Variants in SPARCL1 observed in about 807,000 individuals in gnomAD.
SPARCL1 encodes SPARC like 1.
A neutral mutation model predicts 67.1 loss-of-function variants in SPARCL1; 52 were observed. The observed-to-expected ratio is 0.78, with a 90% CI of 0.62 to 0.98. SPARCL1 has a LOEUF of 0.98. Ranked by LOEUF, SPARCL1 falls within the 50% of genes least tolerant of loss-of-function variation. SPARCL1 has a pLI of 0.00. For missense variants in SPARCL1, 717 were observed against 782.4 expected (o/e 0.92, Z 1.00); for synonymous variants, 226 against 267.8 (o/e 0.84, Z 1.52).
intron 10 of SPARCL1, among the ~76,000 whole-genome samples, chr4:87,475,445 C>G (rs1322597284): frequency 6.6e-6 from 1 of 152,184 alleles, no homozygotes; most frequent in Non-Finnish European, 1.5e-5. Flanking sequence ...TATCCATCAT[C>G]TAGATGTTGT....
chr4:87,498,987 G>A (rs1283131065), intron 2 of SPARCL1, among the ~76,000 whole-genome samples: 1 of 151,370 alleles, frequency 6.6e-6, no homozygotes, highest in East Asian at 1.9e-4. Flanking sequence ...GATTCTCCTT[G>A]CCTCAGCCTC....
At chr4:87,521,395 T>G (rs974882686) in intron 1 of SPARCL1, among the ~76,000 whole-genome samples, 1 of 152,186 alleles carries the variant, frequency 6.6e-6, no homozygotes, top group African/African-American at 2.4e-5. Context: ...CATCCATACC[T>G]CTGAAAGGAG....
chr4:87,504,818 G>T (rs1475932356), intron 1 of SPARCL1: 1 of 152,160 alleles, frequency 6.6e-6, no homozygotes, highest in African/African-American at 2.4e-5. Flanking sequence ...AAGATGGTAC[G>T]TACTTGGCAA....
intron 1 of SPARCL1, among the ~76,000 whole-genome samples, chr4:87,524,551 G>A (rs953411748): frequency 2.0e-5 from 3 of 152,144 alleles, no homozygotes; most frequent in Non-Finnish European, 2.9e-5. Context: ...ATGCCTGACC[G>A]CTTATTCACC....
At chr4:87,498,108 C>T (rs1238180248) in intron 2 of SPARCL1, among the ~76,000 whole-genome samples, 1 of 152,128 alleles carries the variant, frequency 6.6e-6, no homozygotes, top group Non-Finnish European at 1.5e-5. Context: ...GCCACAAGGA[C>T]AAAGCACATT....
At chr4:87,500,788 GCGCACGCACA>G (rs1560822100) in intron 1 of SPARCL1, among the ~76,000 whole-genome samples, 33 of 104,472 alleles carry the variant, frequency 3.2e-4, no homozygotes, top group African/African-American at 1.7e-3. Context: ...ACACGTACGC[GCGCACGCACA>G]TACGCGCGCA....
At chr4:87,522,671 A>G (rs1046255401) in intron 1 of SPARCL1, among the ~76,000 whole-genome samples, 5 of 147,204 alleles carry the variant, frequency 3.4e-5, no homozygotes, top group African/African-American at 1.3e-4. Context: ...ACACACACAC[A>G]CACACACACA....
intron 4 of SPARCL1, among the ~76,000 whole-genome samples, chr4:87,492,882 A>G (rs1432439645): frequency 6.6e-6 from 1 of 152,196 alleles, no homozygotes; most frequent in Non-Finnish European, 1.5e-5. Context: ...TCATTTTGGT[A>G]TGTGTTTGCT....
intron 7 of SPARCL1, among the ~76,000 whole-genome samples, chr4:87,487,188 C>T (rs550756860): frequency 4.0e-5 from 6 of 151,760 alleles, no homozygotes; most frequent in Non-Finnish European, 5.9e-5. Context: ...TTCATAGTGT[C>T]GATGGTCTTT....
chr4:87,511,910 A>G (rs1388313346), intron 1 of SPARCL1, among the ~76,000 whole-genome samples: 1 of 150,160 alleles, frequency 6.7e-6, no homozygotes, highest in South Asian at 2.1e-4. Context: ...GGAAATTTAT[A>G]TTTGTATTTG....
chr4:87,521,592 A>G (rs1385236160), intron 1 of SPARCL1, among the ~76,000 whole-genome samples: 1 of 152,216 alleles, frequency 6.6e-6, no homozygotes, highest in Non-Finnish European at 1.5e-5. Context: ...AGCAAAATTT[A>G]CAAGTCCTCT....
chr4:87,526,400 G>A (rs569642905), intron 1 of SPARCL1, among the ~76,000 whole-genome samples: 2 of 152,250 alleles, frequency 1.3e-5, no homozygotes, highest in East Asian at 1.9e-4. Flanking sequence ...ACTGATATAC[G>A]AGATTCCTTA....
Position 87,522,660 on chromosome 4 carries a change from C to T in SPARCL1, c.-12+6385G>A, listed in dbSNP as rs568546241. On this transcript the variant is annotated intron_variant, in intron 1 of 10. Coordinates refer to ENST00000282470, the MANE Select transcript of SPARCL1 (RefSeq NM_004684.6). ...CACCAAACACACACACACACACACA[C>T]ACACACACACACACACACACACGCA... is the stretch of plus-strand genomic sequence containing the variant. 6.2e-4 allele frequency among the ~76,000 whole-genome samples: 93 copies of T among 150,602 alleles called. 1 individual carries two copies. Among genetic ancestry groups the T allele is most frequent in the Admixed American group, 3.3e-4 (5 of 15,146 alleles).
intron 1 of SPARCL1, among the ~76,000 whole-genome samples, chr4:87,503,952 A>G (rs1344849967): frequency 6.6e-6 from 1 of 151,846 alleles, no homozygotes; most frequent in African/African-American, 2.4e-5. Flanking sequence ...ACTAGCAGCA[A>G]ATGAAGTTTT....
At chr4:87,487,105 A>G (rs1724108853) in intron 7 of SPARCL1, among the ~76,000 whole-genome samples, 1 of 151,174 alleles carries the variant, frequency 6.6e-6, no homozygotes, top group Non-Finnish European at 1.5e-5. Context: ...TAAAATTAAT[A>G]TTGTTATGTG....
At chr4:87,482,330 G>GCCAGTATGC (rs1254243593) in intron 8 of SPARCL1, 94 bp downstream of exon 8, 1 of 1,350,402 alleles carries the variant, frequency 7.4e-7, no homozygotes, top group Admixed American at 1.9e-5. Flanking sequence ...GTGGGCTTTT[G>GCCAGTATGC]CCAGTATGCA....
intron 1 of SPARCL1, among the ~76,000 whole-genome samples, chr4:87,500,328 C>T (rs66863481): frequency 0.15 from 22,654 of 152,052 alleles, 1,907 homozygotes; most frequent in African/African-American, 0.23. Flanking sequence ...TAGTTAGTTC[C>T]GAACGAACTC....
Position 87,495,078 on chromosome 4 carries a change from A to C in SPARCL1, c.104T>G (p.Val35Gly). ...SDHSKPTAET[V>G]APDNTAIPSL... ...GGGGATTGCAGTGTTGTCAGGTGCT[A>C]CCGTTTCAGCAGTTGGTTTGGAATG... The change falls in exon 3 of 11, where the codon GTA becomes GGA. Residue 35 changes from valine to glycine, a missense_variant. Transcript: ENST00000282470. 6.2e-7 allele frequency: 1 copy of C among 1,611,902 alleles called. No homozygotes were observed. Among genetic ancestry groups the C allele is most frequent in the Non-Finnish European group, 8.5e-7 (1 of 1,179,548 alleles).
In SPARCL1 at chr4:87,478,375, TTGTG is replaced by T. The variant is rs144027566; in HGVS notation, c.1966+1051_1966+1054del. 1.6e-3 allele frequency among the ~76,000 whole-genome samples: 242 copies of T among 151,546 alleles called. 1 individual carries two copies. The highest frequency in any genetic ancestry group is 5.4e-3 in the African/African-American group (224 of 41,372). ...TGCATTACCTCACATACTATCATTTTTGTGTGTGTGTGTGTGGTGAGAATTGCGA... is the reference window on the plus strand; with the variant it reads ...TGCATTACCTCACATACTATCATTTTTGTGTGTGTGTGGTGAGAATTGCGA... On this transcript the variant is annotated intron_variant, in intron 10 of 10. Transcript: ENST00000282470.
Sources: gnomAD v4.1 joint callset for allele counts (sites outside exome capture counted in the v4.1 genomes callset) on GRCh38, gnomAD v4.1.1 for gene constraint, MANE v1.5 for transcripts, NCBI Gene and HGNC (gene_info 2026-07-23, HGNC 2026-07-21) for gene names.